Variants in MARCHF3 observed in about 807,000 individuals in gnomAD.
MARCHF3 encodes membrane associated ring-CH-type finger 3.
A neutral mutation model predicts 24.2 loss-of-function variants in MARCHF3; 13 were observed. The ratio of observed to expected loss-of-function variants is 0.54; its 90% CI spans 0.35 to 0.85. The LOEUF is 0.85. MARCHF3 is among the 40% of genes least tolerant of loss of function. The pLI, the probability that MARCHF3 is intolerant of heterozygous loss-of-function variation, is 0.01. For synonymous variants in MARCHF3, 144 were observed against 137.3 expected, an observed-to-expected ratio of 1.05 and a Z score of -0.34; for missense variants, 276 against 325.0, an observed-to-expected ratio of 0.85 and a Z score of 1.16.
At chr5:126,877,660 A>C (rs940537642) in intron 4 of MARCHF3, among the ~76,000 whole-genome samples, 4 of 152,206 alleles carry the variant, frequency 2.6e-5, no homozygotes, top group Admixed American at 2.6e-4. Context: ...AGCAGAGTCA[A>C]TATCCCAACA....
intron 3 of MARCHF3, among the ~76,000 whole-genome samples, chr5:126,899,588 G>C (rs1286706175): frequency 6.6e-6 from 1 of 152,058 alleles, no homozygotes; most frequent in Non-Finnish European, 1.5e-5. Flanking sequence ...AAAAAGAAAG[G>C]CTATGTAAAG....
chr5:126,963,176 A>G (rs1750697102), intron 1 of MARCHF3, among the ~76,000 whole-genome samples: 1 of 152,148 alleles, frequency 6.6e-6, no homozygotes, highest in Non-Finnish European at 1.5e-5. Flanking sequence ...CTCTTTATTT[A>G]GCTTATGAAA....
intron 1 of MARCHF3, among the ~76,000 whole-genome samples, chr5:126,993,020 C>T (rs1939606224): frequency 6.6e-6 from 1 of 152,126 alleles, no homozygotes; most frequent in Non-Finnish European, 1.5e-5. Flanking sequence ...GATCCGTCCG[C>T]CTCGGCCTCC....
At chr5:126,989,283 ATACTACTAC>A (rs957703114) in intron 1 of MARCHF3, among the ~76,000 whole-genome samples, 3 of 150,116 alleles carry the variant, frequency 2.0e-5, no homozygotes, top group Admixed American at 6.6e-5. Context: ...TGTCTCTAGA[ATACTACTAC>A]TACTACTACT....
chr5:126,877,115 A>G (rs1188248324), intron 4 of MARCHF3, among the ~76,000 whole-genome samples: 3 of 151,940 alleles, frequency 2.0e-5, no homozygotes, highest in African/African-American at 7.2e-5. Context: ...GAACACTCTC[A>G]CTGGAGGGGA....
intron 3 of MARCHF3, among the ~76,000 whole-genome samples, chr5:126,890,448 C>T (rs1431166715): frequency 3.4e-4 from 43 of 127,772 alleles, no homozygotes; most frequent in Non-Finnish European, 6.3e-4. Context: ...TCCCCCCACC[C>T]CACAACAGTC....
Position 126,878,513 on chromosome 5 carries a change from A to G in MARCHF3, c.394-119T>C. On this transcript the variant is annotated intron_variant, in intron 3 of 4. Coordinates refer to ENST00000308660, the MANE Select transcript of MARCHF3 (RefSeq NM_178450.5). Reference sequence around the variant, plus strand: ...AGAACCTTGGGAAAAGGCATTTCTGACTTGTTATGAGATAACAAGGAAGTG... The same window carrying G: ...AGAACCTTGGGAAAAGGCATTTCTGGCTTGTTATGAGATAACAAGGAAGTG... The G allele has an allele frequency of 3.3e-6, 3 of 914,412 alleles. No individual in the cohort carries two copies. The Admixed American group carries it at 7.3e-5, about 22-fold the overall frequency. The allele number at this position is 914,412 out of a possible 1,614,324, so 56.6% of individuals were successfully genotyped here.
chr5:126,918,674 A>G (rs1262313302), intron 1 of MARCHF3, among the ~76,000 whole-genome samples: 15 of 152,242 alleles, frequency 9.9e-5, no homozygotes, highest in Admixed American at 9.8e-4. Flanking sequence ...ATTCTGAGAT[A>G]CTAAGATTAA....
chr5:127,028,521 T>C (rs981758281), intron 1 of MARCHF3, among the ~76,000 whole-genome samples: 5 of 152,060 alleles, frequency 3.3e-5, no homozygotes, highest in Non-Finnish European at 7.4e-5. Flanking sequence ...GTCTTAATTA[T>C]AGCCTCTGCA....
chr5:126,883,258 G>A (rs2126770491), intron 3 of MARCHF3, among the ~76,000 whole-genome samples: 1 of 152,234 alleles, frequency 6.6e-6, no homozygotes, highest in African/African-American at 2.4e-5. Flanking sequence ...AAATTTTGTG[G>A]CATTTTTCTC....
chr5:126,883,360 C>T (rs1054523631), intron 3 of MARCHF3, among the ~76,000 whole-genome samples: 6 of 152,180 alleles, frequency 3.9e-5, no homozygotes, highest in Non-Finnish European at 8.8e-5. Flanking sequence ...TCAAAACATG[C>T]AGTACAGAGA....
chr5:126,910,088 T>G (rs1561421085), intron 3 of MARCHF3, among the ~76,000 whole-genome samples: 1 of 152,202 alleles, frequency 6.6e-6, no homozygotes, highest in African/African-American at 2.4e-5. Context: ...TCACTTCTAC[T>G]GTGAAAAATC....
chr5:126,882,287 G>C (rs1753369899), intron 3 of MARCHF3, among the ~76,000 whole-genome samples: 1 of 152,184 alleles, frequency 6.6e-6, no homozygotes, highest in African/African-American at 2.4e-5. Flanking sequence ...TTTAAGTCCT[G>C]CCGTTTTATT....
intron 3 of MARCHF3, among the ~76,000 whole-genome samples, chr5:126,882,642 G>A (rs1753381265): frequency 6.6e-6 from 1 of 152,152 alleles, no homozygotes; most frequent in African/African-American, 2.4e-5. Flanking sequence ...GAGGCAGAAG[G>A]CAGGCTTGTT....
chr5:127,026,192 T>C (rs2126867097), intron 1 of MARCHF3, among the ~76,000 whole-genome samples: 1 of 152,360 alleles, frequency 6.6e-6, no homozygotes, highest in Non-Finnish European at 1.5e-5. Flanking sequence ...CTATAGTTTT[T>C]GTAACTGGGC....
intron 3 of MARCHF3, among the ~76,000 whole-genome samples, chr5:126,900,921 C>T (rs1754082120): frequency 6.6e-6 from 1 of 151,896 alleles, no homozygotes; most frequent in Non-Finnish European, 1.5e-5. Context: ...AGGCTGGTCT[C>T]GAACTTCTGA....
chr5:126,986,755 T>A (rs1159580843), intron 1 of MARCHF3, among the ~76,000 whole-genome samples: 1 of 152,192 alleles, frequency 6.6e-6, no homozygotes, highest in Non-Finnish European at 1.5e-5. Context: ...CATGCCAGTG[T>A]TTGGGAGAGG....
intron 3 of MARCHF3, among the ~76,000 whole-genome samples, chr5:126,882,020 A>C (rs1753358456): frequency 6.6e-6 from 1 of 152,180 alleles, no homozygotes; most frequent in African/African-American, 2.4e-5. Context: ...GCAATATCTC[A>C]CTAAGTCCTC....
chr5:126,870,397 A>G lies in MARCHF3; in HGVS notation c.*236T>C. The G allele has an allele frequency of 4.6e-6, 2 of 433,572 alleles. No homozygotes were observed. The highest frequency in any genetic ancestry group is 8.4e-6 in the Non-Finnish European group (2 of 239,076). 26.9% of individuals were successfully genotyped at this position (433,572 alleles called of 1,614,324 possible). On this transcript the variant is annotated 3_prime_UTR_variant, in exon 5 of 5. Coordinates refer to ENST00000308660, the MANE Select transcript of MARCHF3 (RefSeq NM_178450.5). ...ATTCCATACAGTATCTGCTAAATAA[A>G]CATGTTTGGCAGCTTAGCAAATATC...
Sources: gnomAD v4.1 joint callset for allele counts (sites outside exome capture counted in the v4.1 genomes callset) on GRCh38, gnomAD v4.1.1 for gene constraint, MANE v1.5 for transcripts, NCBI Gene and HGNC (gene_info 2026-07-23, HGNC 2026-07-21) for gene names.